RIMS2: variants seen among roughly 807,000 people sequenced by gnomAD.
RIMS2 encodes regulating synaptic membrane exocytosis protein 2.
In RIMS2, 59 loss-of-function variants were observed where a neutral mutation model predicts 174.4. That is an observed-to-expected ratio of 0.34 (90% confidence interval 0.27 to 0.42). The LOEUF is 0.42. Among genes scored for constraint, RIMS2 ranks in the 10% least tolerant of loss-of-function variants. The probability of loss-of-function intolerance (pLI) is 1.00; values close to 1 mark genes in which losing one functional copy is unlikely to be tolerated. For synonymous variants in RIMS2, 606 were observed against 572.5 expected (o/e 1.06, Z -0.84); for missense variants, 1,620 against 1,666.3 (o/e 0.97, Z 0.48).
intron 14 of RIMS2, among the ~76,000 whole-genome samples, chr8:103,948,825 T>C (rs1333381579): frequency 6.6e-6 from 1 of 152,066 alleles, no homozygotes; most frequent in Non-Finnish European, 1.5e-5. Context: ...ATATAAATTA[T>C]ACCTCAATTT....
intron 3 of RIMS2, among the ~76,000 whole-genome samples, chr8:103,875,879 T>C (rs540639988): frequency 6.6e-6 from 1 of 152,198 alleles, no homozygotes; most frequent in Admixed American, 6.6e-5. Flanking sequence ...TAAGAATTTT[T>C]TCATGTTTGT....
intron 17 of RIMS2, among the ~76,000 whole-genome samples, chr8:103,999,436 T>C (rs7844763): frequency 0.23 from 34,773 of 151,530 alleles, 4,212 homozygotes; most frequent in African/African-American, 0.24. Flanking sequence ...TTTTTTGTTA[T>C]TCTGCTTCAA....
At chr8:104,123,301 A>G (rs1173119122) in intron 19 of RIMS2, among the ~76,000 whole-genome samples, 1 of 152,066 alleles carries the variant, frequency 6.6e-6, no homozygotes, top group African/African-American at 2.4e-5. Context: ...AAGCATTTCT[A>G]ATTATTATAG....
At chr8:104,039,176 T>C (rs1457241194) in intron 19 of RIMS2, among the ~76,000 whole-genome samples, 1 of 151,816 alleles carries the variant, frequency 6.6e-6, no homozygotes, top group East Asian at 1.9e-4. Flanking sequence ...AAATACTATA[T>C]AATAAAATAT....
At chr8:103,799,390 T>A (rs1236202925) in intron 3 of RIMS2, among the ~76,000 whole-genome samples, 2 of 152,296 alleles carry the variant, frequency 1.3e-5, no homozygotes, top group Admixed American at 1.3e-4. Context: ...CAATCTAGGC[T>A]ATGTCAAAAC....
At chr8:104,244,655 T>C (rs144846168) in intron 19 of RIMS2, among the ~76,000 whole-genome samples, 2 of 152,370 alleles carry the variant, frequency 1.3e-5, no homozygotes, top group East Asian at 3.9e-4. Flanking sequence ...TTTTGTTTCT[T>C]ATATTAACAA....
At chr8:103,887,798 A>C (rs1321665485) in intron 4 of RIMS2, among the ~76,000 whole-genome samples, 1 of 151,616 alleles carries the variant, frequency 6.6e-6, no homozygotes, top group Non-Finnish European at 1.5e-5. Flanking sequence ...TGTGATATAA[A>C]AATAACTAAC....
intron 1 of RIMS2, among the ~76,000 whole-genome samples, chr8:103,612,846 G>T (rs543021085): frequency 6.6e-6 from 1 of 152,190 alleles, no homozygotes; most frequent in Non-Finnish European, 1.5e-5. Flanking sequence ...TGGGATTACA[G>T]GCGTGAGCCA....
intron 4 of RIMS2, among the ~76,000 whole-genome samples, chr8:103,898,582 T>A (rs2099306768): frequency 6.6e-6 from 1 of 151,686 alleles, no homozygotes; most frequent in Admixed American, 6.6e-5. Context: ...GAGGGCAGAC[T>A]GTTGAATTAA....
intron 4 of RIMS2, among the ~76,000 whole-genome samples, chr8:103,891,371 A>C (rs1405059799): frequency 6.6e-6 from 1 of 152,092 alleles, no homozygotes; most frequent in Non-Finnish European, 1.5e-5. Context: ...TTAGACCAAG[A>C]GAAAGGTCTA....
chr8:103,720,205 C>T (rs1354395948), intron 2 of RIMS2, among the ~76,000 whole-genome samples: 2 of 152,118 alleles, frequency 1.3e-5, no homozygotes, highest in Non-Finnish European at 2.9e-5. Context: ...TAATCTCTTT[C>T]TGATTAAGTG....
intron 19 of RIMS2, among the ~76,000 whole-genome samples, chr8:104,172,936 C>T (rs561114921): frequency 2.0e-5 from 3 of 152,160 alleles, no homozygotes; most frequent in South Asian, 2.1e-4. Flanking sequence ...ACTCTAGCTA[C>T]GTGAATTACA....
chr8:104,147,671 T>C (rs1291510873), intron 19 of RIMS2, among the ~76,000 whole-genome samples: 1 of 152,214 alleles, frequency 6.6e-6, no homozygotes, highest in African/African-American at 2.4e-5. Flanking sequence ...GAGTCAAAAA[T>C]TGATGTGTAA....
chr8:104,148,656 A>C (rs777608306), intron 19 of RIMS2: 1 of 1,598,226 alleles, frequency 6.3e-7, no homozygotes, highest in Non-Finnish European at 8.5e-7. Flanking sequence ...ATCAGGGAAG[A>C]ACATGACAAA....
At chr8:103,690,566 CA>C (rs1305294030) in intron 1 of RIMS2, among the ~76,000 whole-genome samples, 1 of 152,120 alleles carries the variant, frequency 6.6e-6, no homozygotes, top group Non-Finnish European at 1.5e-5. Context: ...AACTAATAAG[CA>C]AAAACAAAAC....
intron 3 of RIMS2, among the ~76,000 whole-genome samples, chr8:103,851,047 A>G (rs2098995021): frequency 6.6e-6 from 1 of 152,028 alleles, no homozygotes; most frequent in African/African-American, 2.4e-5. Flanking sequence ...TTTGCATTGT[A>G]AATTATTTTT....
At chr8:104,140,587 T>C (rs955778304) in intron 19 of RIMS2, among the ~76,000 whole-genome samples, 1 of 152,170 alleles carries the variant, frequency 6.6e-6, no homozygotes, top group African/African-American at 2.4e-5. Context: ...AATGGATACT[T>C]GCTTTGAACA....
intron 3 of RIMS2, among the ~76,000 whole-genome samples, chr8:103,867,462 T>G (rs1485640062): frequency 6.6e-6 from 1 of 151,892 alleles, no homozygotes; most frequent in Non-Finnish European, 1.5e-5. Context: ...TATATTCAGT[T>G]ACTCTTTGTC....
At chr8:104,176,988 A>G (rs988722527) in intron 19 of RIMS2, among the ~76,000 whole-genome samples, 5 of 152,138 alleles carry the variant, frequency 3.3e-5, no homozygotes, top group Non-Finnish European at 7.4e-5. Flanking sequence ...GAAATACGGA[A>G]GGTCAGCAGA....
Sources: gnomAD v4.1 joint callset for allele counts (sites outside exome capture counted in the v4.1 genomes callset) on GRCh38, gnomAD v4.1.1 for gene constraint, MANE v1.5 for transcripts, NCBI Gene and HGNC (gene_info 2026-07-23, HGNC 2026-07-21) for gene names.